Variants in ELMO1 observed in about 807,000 individuals in gnomAD.
ELMO1 encodes the protein engulfment and cell motility protein 1.
Under a neutral mutation model 98.9 loss-of-function variants are expected in ELMO1, and 26 were observed. That is an observed-to-expected ratio of 0.26 (90% CI 0.19 to 0.36). The LOEUF (loss-of-function observed/expected upper bound fraction) is 0.36. Ranked by LOEUF, ELMO1 falls within the 10% of genes least tolerant of loss-of-function variation. The pLI is 1.00. For missense variants in ELMO1, 627 were observed against 935.2 expected (o/e 0.67, Z 4.30); for synonymous variants, 346 against 346.0 (o/e 1.00, Z 0.00).
chr7:36,936,258 T>C (rs780256167), intron 16 of ELMO1, among the ~76,000 whole-genome samples: 9 of 152,222 alleles, frequency 5.9e-5, no homozygotes, highest in South Asian at 4.2e-4. Flanking sequence ...GTCTCTTCCA[T>C]GGGATGATGT....
At position 37,134,191 on chromosome 7, in the gene ELMO1, T is replaced by C. The variant is rs188203662; in HGVS notation, c.1087-957A>G. 2.6e-5 allele frequency among the ~76,000 whole-genome samples: 4 copies of C among 152,280 alleles called. No homozygotes were observed. The East Asian group carries it at 5.8e-4, about 22-fold the overall frequency. On this transcript the variant is annotated intron_variant, in intron 13 of 21. Coordinates refer to ENST00000310758, the MANE Select transcript of ELMO1 (RefSeq NM_014800.11). Reference sequence around the variant, plus strand: ...GGAATGTAAATTAGTACAACCTCTATGGAAAACACTATGGAGATTTCTCAA... The same window carrying C: ...GGAATGTAAATTAGTACAACCTCTACGGAAAACACTATGGAGATTTCTCAA...
intron 16 of ELMO1, among the ~76,000 whole-genome samples, chr7:36,924,966 G>A (rs1432748376): frequency 6.6e-6 from 1 of 152,236 alleles, no homozygotes; most frequent in Non-Finnish European, 1.5e-5. Flanking sequence ...TTTACCCACT[G>A]TGGGAACACA....
Position 36,878,012 on chromosome 7 carries a change from T to G in ELMO1, c.1820A>C (p.Lys607Thr), listed in dbSNP as rs1804109356. 2 of 1,613,170 alleles carry G rather than the reference T, an allele frequency of 1.2e-6. No homozygotes were observed. Among genetic ancestry groups the G allele is most frequent in the Non-Finnish European group, 1.7e-6 (2 of 1,179,296 alleles). ...CTCTGCCAAGGAGAGCTACTTACGT[T>G]TGTCCTGCAAGGAATCGTGGGGCAC... Reference protein sequence around the residue: ...GEVPHDSLQDKLPVADIKAVV... With the variant: ...GEVPHDSLQDTLPVADIKAVV... The change falls in exon 19 of 22, where the codon AAA becomes ACA. Residue 607 changes from lysine (K) to threonine (T), a missense_variant and splice_region_variant. Lys to Thr is a moderately conservative substitution (Grantham distance 78). Around this residue, in one of 3 missense-constraint regions of ELMO1, gnomAD observed 492 missense variants for 715.6 expected, o/e 0.69. Transcript: ENST00000310758.
intron 13 of ELMO1, among the ~76,000 whole-genome samples, chr7:37,187,072 T>C (rs1791249061): frequency 6.6e-6 from 1 of 152,130 alleles, no homozygotes; most frequent in African/African-American, 2.4e-5. Context: ...CATCAACTGA[T>C]AAACAGATAA....
chr7:37,133,305 T>A, intron 13 of ELMO1, 71 bp from the exon 14 acceptor site: 1 of 1,218,482 alleles, frequency 8.2e-7, no homozygotes, highest in Non-Finnish European at 1.2e-6. Flanking sequence ...AGATCTGATT[T>A]CCCTCCTCAA....
intron 1 of ELMO1, among the ~76,000 whole-genome samples, chr7:37,408,521 A>G (rs574196638): frequency 1.2e-4 from 19 of 152,350 alleles, no homozygotes; most frequent in African/African-American, 3.6e-4. Context: ...ATATTCATTA[A>G]TAGATGAAGG....
chr7:37,031,295 T>C (rs1312326929), intron 15 of ELMO1, among the ~76,000 whole-genome samples: 7 of 152,172 alleles, frequency 4.6e-5, no homozygotes, highest in African/African-American at 1.4e-4. Flanking sequence ...TGACTCGCCC[T>C]GAATGAGATG....
chr7:37,019,317 G>A (rs763933595), intron 15 of ELMO1, among the ~76,000 whole-genome samples: 5 of 152,222 alleles, frequency 3.3e-5, no homozygotes, highest in Non-Finnish European at 5.9e-5. Context: ...GGAGATACAG[G>A]CAAATAACAA....
At chr7:36,921,165 T>A (rs1785124132) in intron 16 of ELMO1, among the ~76,000 whole-genome samples, 1 of 152,178 alleles carries the variant, frequency 6.6e-6, no homozygotes, top group Admixed American at 6.5e-5. Context: ...CCTCCAGAAC[T>A]GTGAGCAACA....
At chr7:37,049,598 A>T in intron 15 of ELMO1, among the ~76,000 whole-genome samples, 1 of 151,570 alleles carries the variant, frequency 6.6e-6, no homozygotes, top group East Asian at 1.9e-4. Flanking sequence ...TTTTTGTCAT[A>T]TTCGTTCATG....
intron 16 of ELMO1, among the ~76,000 whole-genome samples, chr7:37,011,521 A>C (rs1372666948): frequency 6.6e-6 from 1 of 152,280 alleles, no homozygotes; most frequent in Non-Finnish European, 1.5e-5. Context: ...GCCTAGATCA[A>C]CAACAATAAT....
chr7:37,341,669 C>T (rs1002738266), intron 2 of ELMO1, among the ~76,000 whole-genome samples: 1 of 152,096 alleles, frequency 6.6e-6, no homozygotes, highest in Non-Finnish European at 1.5e-5. Context: ...ATATAACTCT[C>T]GCATTGATCT....
chr7:37,190,882 T>C (rs558318255), intron 13 of ELMO1, among the ~76,000 whole-genome samples: 2 of 152,094 alleles, frequency 1.3e-5, no homozygotes, highest in African/African-American at 4.8e-5. Context: ...TACTTACTTA[T>C]ACAAGCATAG....
intron 16 of ELMO1, among the ~76,000 whole-genome samples, chr7:36,897,518 T>C (rs753483793): frequency 2.0e-5 from 3 of 151,924 alleles, no homozygotes; most frequent in Non-Finnish European, 4.4e-5. Flanking sequence ...TATGGTGAAG[T>C]CCAAGAGGAG....
At chr7:37,260,315 G>C (rs1191868929) in intron 5 of ELMO1, among the ~76,000 whole-genome samples, 1 of 152,210 alleles carries the variant, frequency 6.6e-6, no homozygotes, top group East Asian at 1.9e-4. Context: ...AGAGGGAGAA[G>C]ATAGGGTGTC....
Position 37,049,847 on chromosome 7 carries a change from G to A in ELMO1, c.1301-36412C>T, listed in dbSNP as rs148577577. On this transcript the variant is annotated intron_variant, in intron 15 of 21. Transcript: ENST00000310758. ...GACTGGAGTGCAATGGCATGATCTC[G>A]GCTCACCACAACCTCCGACTCCCAG... Among the ~76,000 whole-genome samples the A allele has an allele frequency of 9.1e-3, 1,341 of 147,932 alleles. 6 individuals carry two copies. The highest frequency in any genetic ancestry group is 0.018 in the Middle Eastern group (5 of 284).
chr7:37,287,609 G>A (rs1252364259), intron 4 of ELMO1, among the ~76,000 whole-genome samples: 1 of 152,194 alleles, frequency 6.6e-6, no homozygotes, highest in Non-Finnish European at 1.5e-5. Context: ...GCTTGTTGCT[G>A]ACATTTGTGA....
At chr7:36,874,071 G>A (rs1035545593) in intron 19 of ELMO1, among the ~76,000 whole-genome samples, 1 of 152,202 alleles carries the variant, frequency 6.6e-6, no homozygotes, top group African/African-American at 2.4e-5. Flanking sequence ...GGGAAAAGAT[G>A]CGCCTTTGGA....
intron 16 of ELMO1, among the ~76,000 whole-genome samples, chr7:37,009,822 G>A (rs75534729): frequency 8.5e-4 from 130 of 152,278 alleles, no homozygotes; most frequent in African/African-American, 3.1e-3. Flanking sequence ...ATTTGAATTT[G>A]GACAGTCAGA....
Sources: allele counts gnomAD v4.1 joint callset (sites outside exome capture counted in the v4.1 genomes callset), GRCh38; gene constraint gnomAD v4.1.1; regional missense constraint gnomAD v4.1.1; transcripts MANE v1.5; gene names NCBI Gene and HGNC (gene_info 2026-07-23, HGNC 2026-07-21).